IL12RB2: variants seen among roughly 807,000 people sequenced by gnomAD.
IL12RB2 encodes the protein interleukin-12 receptor subunit beta-2.
In IL12RB2, 82 loss-of-function variants were observed where a neutral mutation model predicts 89.4. The observed-to-expected ratio is 0.92, with a 90% CI of 0.77 to 1.10. IL12RB2 has a LOEUF of 1.10. Among genes scored for constraint, IL12RB2 ranks in the 50% least tolerant of loss-of-function variants. The pLI, the probability that IL12RB2 is intolerant of heterozygous loss-of-function variation, is 0.00. For synonymous variants in IL12RB2, 368 were observed against 370.1 expected, an observed-to-expected ratio of 0.99 and a Z score of 0.07; for missense variants, 963 against 1,031.9, an observed-to-expected ratio of 0.93 and a Z score of 0.92.
chr1:67,320,643 C>A (rs1436246622), intron 3 of IL12RB2, among the ~76,000 whole-genome samples, 199 bp downstream of exon 3: 3 of 152,110 alleles, frequency 2.0e-5, no homozygotes, highest in Non-Finnish European at 2.9e-5. Context: ...ATATAAGGGT[C>A]CAATTATTTT....
rs566340805 is a variant in IL12RB2 at position 67,395,413 on chromosome 1, C to T, written c.2047-134C>T. 789 of 1,555,568 alleles carry T rather than the reference C, an allele frequency of 5.1e-4. 4 individuals are homozygous for T. The highest frequency in any genetic ancestry group is 5.0e-3 in the South Asian group (429 of 85,308). Reference sequence around the variant, plus strand: ...TTAACTGTTTCTCTTACCTCGCAAACTCCAGTGCCCAACATGTTCCAGCCA... The same window carrying T: ...TTAACTGTTTCTCTTACCTCGCAAATTCCAGTGCCCAACATGTTCCAGCCA... On this transcript the variant is annotated intron_variant, in intron 16 of 16. Coordinates refer to ENST00000674203, the MANE Select transcript of IL12RB2 (RefSeq NM_001374259.2).
intron 10 of IL12RB2, among the ~76,000 whole-genome samples, chr1:67,364,814 T>C (rs1010311341): frequency 1.3e-5 from 2 of 152,220 alleles, no homozygotes; most frequent in Admixed American, 6.5e-5. Context: ...CTAAACATAA[T>C]TGACATCTGT....
chr1:67,335,789 C>T (rs1418698156), intron 8 of IL12RB2, among the ~76,000 whole-genome samples: 1 of 152,130 alleles, frequency 6.6e-6, no homozygotes, highest in Admixed American at 6.5e-5. Flanking sequence ...ATTTTACACC[C>T]CTGGTCATGA....
chr1:67,332,174 C>A (rs1361910060), intron 8 of IL12RB2, among the ~76,000 whole-genome samples: 1 of 151,754 alleles, frequency 6.6e-6, no homozygotes. Flanking sequence ...ATATATGATT[C>A]ATAGAATAAT....
intron 8 of IL12RB2, among the ~76,000 whole-genome samples, chr1:67,336,242 C>A (rs1387827071): frequency 6.6e-6 from 1 of 152,184 alleles, no homozygotes; most frequent in East Asian, 1.9e-4. Context: ...AGACCCAGGT[C>A]TTTTGTAAAT....
intron 14 of IL12RB2, among the ~76,000 whole-genome samples, chr1:67,381,775 AAAAAAAAAAAG>A (rs1238617879): frequency 1.6e-5 from 2 of 126,042 alleles, no homozygotes; most frequent in Non-Finnish European, 3.7e-5. Context: ...CAAAAAAAAA[AAAAAAAAAAAG>A]AAAGAAAGTT....
chr1:67,335,547 AT>A (rs1658659815), intron 8 of IL12RB2, among the ~76,000 whole-genome samples: 1 of 152,148 alleles, frequency 6.6e-6, no homozygotes, highest in Non-Finnish European at 1.5e-5. Flanking sequence ...CAGACAAAGT[AT>A]TTTCATCTGA....
Position 67,386,545 on chromosome 1 carries a change from A to C in IL12RB2, c.1856-34A>C, listed in dbSNP as rs764263092. 3.5e-6 allele frequency: 5 copies of C among 1,411,490 alleles called. No homozygotes were observed. The Admixed American group carries it at 8.4e-5, about 24-fold the overall frequency. The allele number at this position is 1,411,490 out of a possible 1,614,324, so 87.4% of individuals were successfully genotyped here. On this transcript the variant is annotated intron_variant, in intron 14 of 16. Transcript: ENST00000674203. ...GATTTTGAAATGTTCATTGGTGATA[A>C]CTCACTCAGTCACAGGATTTCCTAA...
At chr1:67,338,548 T>C (rs1659140727) in intron 8 of IL12RB2, 76 bp from the exon 9 acceptor site, 1 of 780,888 alleles carries the variant, frequency 1.3e-6, no homozygotes, top group Middle Eastern at 2.3e-4. Context: ...TCTTCCAGAA[T>C]TGTTTACTGA....
At chr1:67,360,666 C>T (rs1001909183) in intron 10 of IL12RB2, among the ~76,000 whole-genome samples, 80 of 151,682 alleles carry the variant, frequency 5.3e-4, no homozygotes, top group African/African-American at 1.8e-3. Flanking sequence ...CGTAGTGGCA[C>T]GTGCCTGTAA....
chr1:67,395,046 T>C (rs1666214899), intron 16 of IL12RB2, among the ~76,000 whole-genome samples: 1 of 152,070 alleles, frequency 6.6e-6, no homozygotes, highest in African/African-American at 2.4e-5. Context: ...GGTGGGTAGA[T>C]CACTTGAGGT....
intron 15 of IL12RB2, among the ~76,000 whole-genome samples, 193 bp downstream of exon 15, chr1:67,386,862 G>A (rs1457025429): frequency 1.8e-5 from 2 of 109,992 alleles, no homozygotes; most frequent in African/African-American, 7.7e-5. Flanking sequence ...TCTCTAACTA[G>A]AAATGTATTT....
Position 67,396,998 on chromosome 1 carries a change from C to A in IL12RB2, c.*909C>A, listed in dbSNP as rs150063720. On this transcript the variant is annotated 3_prime_UTR_variant, in exon 17 of 17. Coordinates refer to ENST00000674203, the MANE Select transcript of IL12RB2 (RefSeq NM_001374259.2). ...ATATTTTTAAAAAAAATTAACTGGG[C>A]GTGATGGCGGGCGCCTGTAGTCCCA... 6.6e-6 allele frequency: 1 copy of A among 151,848 alleles called. No individual in the cohort carries two copies. Among genetic ancestry groups the A allele is most frequent in the Non-Finnish European group, 1.5e-5 (1 of 68,026 alleles). 9.4% of individuals were successfully genotyped at this position (151,848 alleles called of 1,614,324 possible).
At chr1:67,330,873 T>C in intron 8 of IL12RB2, 63 bp downstream of exon 8, 1 of 896,146 alleles carries the variant, frequency 1.1e-6, no homozygotes, top group South Asian at 1.3e-5. Flanking sequence ...GGGGAAGATG[T>C]AATGATTTCC....
In IL12RB2 at chr1:67,328,455, G is replaced by A. The variant is rs1370464842; in HGVS notation, c.664+71G>A. The A allele has an allele frequency of 1.9e-6, 3 of 1,604,284 alleles. No individual in the cohort carries two copies. In the East Asian group the frequency reaches 6.7e-5, roughly 36 times the overall value. ...AAAATCACTCAAATCTTTTTTATAT[G>A]GTTGTTTCAAGAAAGACAGAGATTG... On this transcript the variant is annotated intron_variant, in intron 6 of 16. Transcript: ENST00000674203.
At position 67,368,082 on chromosome 1, in the gene IL12RB2, A is replaced by T. The variant is rs1354875116; in HGVS notation, c.1459+57A>T. 7 of 1,151,444 alleles carry T rather than the reference A, an allele frequency of 6.1e-6. No individual in the cohort carries two copies. Among genetic ancestry groups the T allele is most frequent in the Non-Finnish European group, 9.2e-6 (7 of 762,608 alleles). The allele number at this position is 1,151,444 out of a possible 1,614,324, so 71.3% of individuals were successfully genotyped here. A position where few individuals can be genotyped will look rare whatever the true frequency, so the allele number is the denominator to read the frequency against. ...TTACTAAGTTCACATTTGTTTGGGG[A>T]AACTGCAGGCAAGAGCCAGAACCCT... On this transcript the variant is annotated intron_variant, in intron 11 of 16. Coordinates refer to ENST00000674203, the MANE Select transcript of IL12RB2 (RefSeq NM_001374259.2).
intron 6 of IL12RB2, 107 bp downstream of exon 6, chr1:67,328,491 G>A: frequency 6.3e-7 from 1 of 1,579,806 alleles, no homozygotes; most frequent in African/African-American, 1.4e-5. Context: ...ATGGAAATTG[G>A]CCAACAGGCA....
intron 8 of IL12RB2, among the ~76,000 whole-genome samples, chr1:67,336,666 G>T (rs1252087073): frequency 3.3e-5 from 5 of 152,164 alleles, no homozygotes; most frequent in Non-Finnish European, 7.4e-5. Context: ...TGAAGGAGAG[G>T]ATAGAACAAA....
At chr1:67,325,551 C>T (rs984120620) in intron 4 of IL12RB2, among the ~76,000 whole-genome samples, 9 of 152,146 alleles carry the variant, frequency 5.9e-5, no homozygotes, top group Admixed American at 6.6e-5. Context: ...CGTGAGCCAC[C>T]GCATCCAGCG....
Sources: gnomAD v4.1 joint callset for allele counts (sites outside exome capture counted in the v4.1 genomes callset) on GRCh38, gnomAD v4.1.1 for gene constraint, MANE v1.5 for transcripts, NCBI Gene and HGNC (gene_info 2026-07-23, HGNC 2026-07-21) for gene names.